Variants in ZNF133 observed in about 807,000 individuals in gnomAD.
The protein encoded by ZNF133 is zinc finger protein 133, also known as zinc finger protein 133 (clone pHZ-13).
Under a neutral mutation model 54.9 loss-of-function variants are expected in ZNF133, and 26 were observed. The observed-to-expected ratio is 0.47, with a 90% CI of 0.35 to 0.66. The LOEUF (loss-of-function observed/expected upper bound fraction) is 0.66. Ranked by LOEUF, ZNF133 falls within the 30% of genes least tolerant of loss-of-function variation. The pLI, the probability that ZNF133 is intolerant of heterozygous loss-of-function variation, is 0.01. For synonymous variants in ZNF133, 298 were observed against 320.3 expected (o/e 0.93, Z 0.74); for missense variants, 653 against 820.8 (o/e 0.80, Z 2.50).
chr20:18,296,676 CGCTTGG>C (rs2042296007), intron 1 of ZNF133, among the ~76,000 whole-genome samples: 1 of 152,126 alleles, frequency 6.6e-6, no homozygotes, highest in Non-Finnish European at 1.5e-5. Flanking sequence ...TTGTAAGCAA[CGCTTGG>C]GTTGCTTACA....
chr20:18,316,239 A>G lies in ZNF133; in HGVS notation c.1388A>G (p.Glu463Gly), dbSNP rs1196770669. 6.2e-7 allele frequency: 1 copy of G among 1,608,794 alleles called. No individual in the cohort carries two copies. The highest frequency in any genetic ancestry group is 8.5e-7 in the Non-Finnish European group (1 of 1,177,514). ...LNRHQNIHSG[E>G]KPIVCKDCGR... is the part of the protein sequence containing the mutation. ...AGACACCAGAACATACACTCAGGAG[A>G]GAAGCCCATTGTGTGCAAGGACTGT... Residue 463 changes from glutamate (E) to glycine (G), a missense_variant, in exon 7 of 7, where the codon GAG becomes GGG. Transcript: ENST00000425686.
chr20:18,304,896 C>A, intron 3 of ZNF133, 112 bp from the exon 4 acceptor site: 1 of 685,132 alleles, frequency 1.5e-6, no homozygotes, highest in Non-Finnish European at 1.8e-6. Context: ...CTGCTCCCCA[C>A]ATGCCTCATC....
intron 6 of ZNF133, chr20:18,312,929 C>G (rs2046424917): frequency 6.6e-6 from 1 of 152,106 alleles, no homozygotes; most frequent in Non-Finnish European, 1.5e-5. Context: ...AGGCTGGTCT[C>G]AAATTCCTGA....
chr20:18,298,108 AT>A, intron 2 of ZNF133, 46 bp downstream of exon 2: 1 of 1,535,230 alleles, frequency 6.5e-7, no homozygotes, highest in Non-Finnish European at 8.7e-7. Flanking sequence ...GGATGGACAC[AT>A]TCCCTTCTCT....
chr20:18,307,825 T>C (rs756775834), intron 6 of ZNF133, among the ~76,000 whole-genome samples: 1 of 152,200 alleles, frequency 6.6e-6, no homozygotes, highest in Admixed American at 6.5e-5. Flanking sequence ...TTTTCAGTTC[T>C]GCAATTTCCA....
Position 18,305,067 on chromosome 20 carries a change from A to G in ZNF133, c.-118A>G, listed in dbSNP as rs2147415689. The G allele has an allele frequency of 1.0e-6, 1 of 985,578 alleles. No homozygotes were observed. 61.1% of individuals were successfully genotyped at this position (985,578 alleles called of 1,614,324 possible). On this transcript the variant is annotated 5_prime_UTR_variant, in exon 4 of 7. An upstream start codon of the reference 5' UTR is lost. Coordinates refer to ENST00000425686, the MANE Select transcript of ZNF133 (RefSeq NM_001352452.2). This position sits in a 1 kb window ranked among gnomAD's most constrained non-coding sequence, Gnocchi z 4.7. Reference sequence around the variant, plus strand: ...TAAAAGAATAAAACTGGGCAGGGGCATGAGAATAGGATGCAAAGATGAATT... The same window carrying G: ...TAAAAGAATAAAACTGGGCAGGGGCGTGAGAATAGGATGCAAAGATGAATT...
intron 1 of ZNF133, among the ~76,000 whole-genome samples, chr20:18,292,779 G>A (rs138058581): frequency 1.4e-3 from 219 of 152,304 alleles, no homozygotes; most frequent in Non-Finnish European, 2.1e-3. Context: ...GTTTAAAATA[G>A]TGCCTATCAC....
chr20:18,293,181 T>G (rs2041452778), intron 1 of ZNF133, among the ~76,000 whole-genome samples: 1 of 152,260 alleles, frequency 6.6e-6, no homozygotes, highest in Non-Finnish European at 1.5e-5. Flanking sequence ...GCAACTATGT[T>G]TTAATCTCCC....
At chr20:18,310,171 A>G in intron 6 of ZNF133, 1 of 1,340,910 alleles carries the variant, frequency 7.5e-7, no homozygotes, top group Non-Finnish European at 9.5e-7. Context: ...ATTTAAAGAA[A>G]AACAGCAGCT....
chr20:18,312,346 T>A (rs980915119), intron 6 of ZNF133, among the ~76,000 whole-genome samples: 3 of 152,242 alleles, frequency 2.0e-5, no homozygotes, highest in Non-Finnish European at 4.4e-5. Flanking sequence ...TTAGTTAAAC[T>A]TTCTTTGAGA....
At position 18,308,081 on chromosome 20, in the gene ZNF133, A is replaced by C. The variant is rs555341230; in HGVS notation, c.217+1688A>C. 1.6e-4 allele frequency among the ~76,000 whole-genome samples: 25 copies of C among 152,262 alleles called. No individual in the cohort carries two copies. The South Asian group carries it at 4.8e-3, about 29-fold the overall frequency. ...TTGTTATTTACCATTACTAGTGGTT[A>C]CCTCTGTGGGGATAGAATTGGGGAG... On this transcript the variant is annotated intron_variant, in intron 6 of 6. Coordinates refer to ENST00000425686, the MANE Select transcript of ZNF133 (RefSeq NM_001352452.2).
chr20:18,300,407 A>G (rs2043135993), intron 3 of ZNF133, among the ~76,000 whole-genome samples: 1 of 152,176 alleles, frequency 6.6e-6, no homozygotes, highest in South Asian at 2.1e-4. Context: ...GGACAGTAAT[A>G]CAGGAAATTA....
In ZNF133 at chr20:18,315,760, T is replaced by C; in HGVS notation, c.909T>C (p.Cys303=). The C allele has an allele frequency of 1.9e-6, 3 of 1,614,114 alleles. No homozygotes were observed. The highest frequency in any genetic ancestry group is 2.5e-6 in the Non-Finnish European group (3 of 1,180,002). The change falls in exon 7 of 7, where the codon TGT becomes TGC. Residue 303 remains cysteine (C), a synonymous_variant. Coordinates refer to ENST00000425686, the MANE Select transcript of ZNF133 (RefSeq NM_001352452.2). ...AGAAACCTTACATGTGCAGTGAGTG[T>C]GGGCGAGGCTTCAGCCAGAAGTCAA... The part of the protein sequence containing the change: ...SGEKPYMCSE[C]GRGFSQKSNL...
chr20:18,306,277 A>G (rs371897600), intron 5 of ZNF133, 21 bp from the exon 6 acceptor site: 72 of 1,606,634 alleles, frequency 4.5e-5, no homozygotes, highest in Admixed American at 6.8e-5. Context: ...CTAGTTACTT[A>G]TTTTCTTTTC....
chr20:18,307,987 T>C (rs2045024750), intron 6 of ZNF133, among the ~76,000 whole-genome samples: 1 of 151,622 alleles, frequency 6.6e-6, no homozygotes, highest in Non-Finnish European at 1.5e-5. Flanking sequence ...GCAGTTGAGT[T>C]TGTTGTTAAA....
chr20:18,293,867 T>C (rs770914531), intron 1 of ZNF133, among the ~76,000 whole-genome samples: 12 of 152,096 alleles, frequency 7.9e-5, no homozygotes, highest in South Asian at 4.1e-4. Context: ...TACAAATAAA[T>C]GGGGAGACAG....
chr20:18,314,497 T>C (rs2046952210), intron 6 of ZNF133: 1 of 152,248 alleles, frequency 6.6e-6, no homozygotes, highest in African/African-American at 2.4e-5. Context: ...CTAGAAATTC[T>C]GGCATAGAGT....
intron 6 of ZNF133, chr20:18,313,626 A>G (rs2284896): frequency 0.12 from 18,243 of 152,270 alleles, 1,744 homozygotes; most frequent in East Asian, 0.55. Context: ...AATAGCCAAT[A>G]AATCAAATCT....
intron 3 of ZNF133, among the ~76,000 whole-genome samples, chr20:18,301,503 AAATT>A (rs1456326528): frequency 6.6e-6 from 1 of 152,216 alleles, no homozygotes; most frequent in Non-Finnish European, 1.5e-5. Flanking sequence ...AGGATTAAAT[AAATT>A]GACAAACCTT....
Sources: gnomAD v4.1 joint callset for allele counts (sites outside exome capture counted in the v4.1 genomes callset) on GRCh38, gnomAD v4.1.1 for gene constraint, Gnocchi (gnomAD v3.1) non-coding constraint, MANE v1.5 for transcripts, NCBI Gene and HGNC (gene_info 2026-07-23, HGNC 2026-07-21) for gene names.